DPF1: variants seen among roughly 807,000 people sequenced by gnomAD.
The protein encoded by DPF1 is double PHD fingers 1, also known as zinc finger protein neuro-d4.
In DPF1, 14 loss-of-function variants were observed where a neutral mutation model predicts 58.7. That is an observed-to-expected ratio of 0.24 (90% CI 0.16 to 0.37). The LOEUF (loss-of-function observed/expected upper bound fraction) is 0.37. DPF1 is among the 10% of genes least tolerant of loss of function. The pLI is 1.00. For missense variants in DPF1, 345 were observed against 529.9 expected (o/e 0.65, Z 3.43); for synonymous variants, 216 against 216.0 (o/e 1.00, Z 0.00).
upstream of DPF1, among the ~76,000 whole-genome samples, chr19:38,229,112 G>C (rs934810220): frequency 1.3e-5 from 2 of 152,066 alleles, no homozygotes; most frequent in African/African-American, 2.4e-5. This position sits in a 1 kb window ranked among gnomAD's most constrained non-coding sequence, Gnocchi z 5.3. Flanking sequence ...CTCAGAGAAA[G>C]AAGGGGAAAG....
chr19:38,216,838 C>T (rs1478461598), intron 7 of DPF1, among the ~76,000 whole-genome samples: 2 of 152,196 alleles, frequency 1.3e-5, no homozygotes, highest in Non-Finnish European at 2.9e-5. Context: ...ATACATGTCT[C>T]CCAGCCAGCC....
chr19:38,228,272 A>C (rs1229179626), upstream of DPF1, among the ~76,000 whole-genome samples: 13 of 120,854 alleles, frequency 1.1e-4, no homozygotes, highest in East Asian at 2.6e-4. Context: ...CCCAACTCCC[A>C]CCCTCCACCT....
At chr19:38,226,042 C>A (rs559351700), upstream of DPF1, among the ~76,000 whole-genome samples, 143 of 152,220 alleles carry the variant, frequency 9.4e-4, no homozygotes, top group African/African-American at 3.3e-3. Flanking sequence ...CTCACATGCC[C>A]GCATGCCCTG....
At chr19:38,214,362 T>G (rs757385547) in intron 9 of DPF1, among the ~76,000 whole-genome samples, 1 of 152,176 alleles carries the variant, frequency 6.6e-6, no homozygotes, top group Non-Finnish European at 1.5e-5. Context: ...CCACGACCCA[T>G]GGCGCCCGCC....
In DPF1 at chr19:38,229,676, G is replaced by T. The variant is rs1417881513; in HGVS notation, c.-249C>A. The stretch of plus-strand genomic sequence containing the variant: ...CCCGGCCTGCGCCGCCCGCTCTGCC[G>T]CCCAGCGCGCTACGATTTCATTCAT... On this transcript the variant is annotated 5_prime_UTR_variant, in exon 1 of 12. Transcript: ENST00000412732. The surrounding 1 kb of genome is among the most constrained non-coding windows in gnomAD (Gnocchi z 5.3). The T allele has an allele frequency of 7.1e-6, 4 of 565,098 alleles. No individual in the cohort carries two copies. The highest frequency in any genetic ancestry group is 9.0e-6 in the Non-Finnish European group (4 of 446,042). The allele number at this position is 565,098 out of a possible 1,614,324, so 35.0% of individuals were successfully genotyped here. A position where few individuals can be genotyped will look rare whatever the true frequency, so the allele number is the denominator to read the frequency against.
At chr19:38,227,274 C>A (rs1252591257), upstream of DPF1, among the ~76,000 whole-genome samples, 1 of 151,992 alleles carries the variant, frequency 6.6e-6, no homozygotes, top group East Asian at 1.9e-4. Flanking sequence ...AACAGGGTGT[C>A]CCTGTGTTGG....
upstream of DPF1, chr19:38,224,270 G>A (rs1381547046): frequency 2.4e-6 from 3 of 1,261,970 alleles, no homozygotes; most frequent in Non-Finnish European, 3.0e-6. This position sits in a 1 kb window ranked among gnomAD's most constrained non-coding sequence, Gnocchi z 4.5. Context: ...GGCCAATCGC[G>A]GCGACGGGGC....
chr19:38,217,847 G>A lies in DPF1; in HGVS notation c.546C>T (p.Arg182=). Residue 182 remains arginine (R), a synonymous_variant, in exon 6 of 12, where the codon CGC becomes CGT. Transcript: ENST00000355526. ...KAYGIGGLRK[R]QDTASLEDRD... ...GGTCCTCCAGGGAAGCGGTGTCCTGGCGTTTCCGGAGACCCCCGATGCCAT... is the reference window on the plus strand; with the variant it reads ...GGTCCTCCAGGGAAGCGGTGTCCTGACGTTTCCGGAGACCCCCGATGCCAT... The A allele has an allele frequency of 6.2e-7, 1 of 1,614,098 alleles. No homozygotes were observed.
Position 38,224,083 on chromosome 19 carries a change from T to C in DPF1, c.29+31A>G. 2 of 1,494,020 alleles carry C rather than the reference T, an allele frequency of 1.3e-6. No individual in the cohort carries two copies. The allele number at this position is 1,494,020 out of a possible 1,614,324, so 92.5% of individuals were successfully genotyped here. A position where few individuals can be genotyped will look rare whatever the true frequency, so the allele number is the denominator to read the frequency against. ...CAGGCCCGCGTAGACCCGCCCGCGC[T>C]TCCTCTCCGCCTCCCGCCGGCCCGC... On this transcript the variant is annotated intron_variant, in intron 1 of 11. Coordinates refer to ENST00000355526, the MANE Select transcript of DPF1 (RefSeq NM_001135155.3). The surrounding 1 kb of genome is among the most constrained non-coding windows in gnomAD (Gnocchi z 4.5).
intron 9 of DPF1, 75 bp downstream of exon 9, chr19:38,216,065 C>A (rs201625145): frequency 1.3e-4 from 203 of 1,530,876 alleles, no homozygotes; most frequent in Non-Finnish European, 1.7e-4. Flanking sequence ...ACCGCCTTGC[C>A]TCCCTCCCTC....
chr19:38,222,887 AG>A lies in DPF1; in HGVS notation c.30-180del. On this transcript the variant is annotated intron_variant, in intron 1 of 11. Transcript: ENST00000355526. The surrounding 1 kb of genome is among the most constrained non-coding windows in gnomAD (Gnocchi z 4.9). ...AGGCTGGGGGAAGGGGACAGGGCCC[AG>A]GGGCCCCCAAACTGGGACTCAAACA... 5 of 893,560 alleles carry A rather than the reference AG, an allele frequency of 5.6e-6. No homozygotes were observed. Among genetic ancestry groups the A allele is most frequent in the South Asian group, 2.0e-5 (1 of 49,184 alleles). The allele number at this position is 893,560 out of a possible 1,614,324, so 55.4% of individuals were successfully genotyped here. A position where few individuals can be genotyped will look rare whatever the true frequency, so the allele number is the denominator to read the frequency against.
chr19:38,223,840 TC>T, intron 1 of DPF1: 1 of 349,488 alleles, frequency 2.9e-6, no homozygotes, highest in Non-Finnish European at 5.1e-6. Context: ...TTTCAGTCTC[TC>T]CCAGACCCGA....
At chr19:38,225,408 A>G (rs1052049914), upstream of DPF1, among the ~76,000 whole-genome samples, 13 of 152,036 alleles carry the variant, frequency 8.6e-5, no homozygotes, top group African/African-American at 2.4e-5. Flanking sequence ...TGTCTACAAA[A>G]AAAAATTAAA....
At chr19:38,228,128 G>A (rs540965946), upstream of DPF1, 1 of 152,324 alleles carries the variant, frequency 6.6e-6, no homozygotes, top group East Asian at 1.9e-4. Context: ...TAGGGTGAGA[G>A]GGCAGCAGAG....
Position 38,222,537 on chromosome 19 carries a change from C to T in DPF1, c.190+11G>A. ...CCCCGCCCCGCCCTGCGCCAGCCCTCCCGGCGGTACCCGGCCCGCGGTGGG... is the reference window on the plus strand; with the variant it reads ...CCCCGCCCCGCCCTGCGCCAGCCCTTCCGGCGGTACCCGGCCCGCGGTGGG... On this transcript the variant is annotated intron_variant, in intron 2 of 11. Coordinates refer to ENST00000355526, the MANE Select transcript of DPF1 (RefSeq NM_001135155.3). This position sits in a 1 kb window ranked among gnomAD's most constrained non-coding sequence, Gnocchi z 4.9. 1.2e-6 allele frequency: 2 copies of T among 1,603,242 alleles called. No homozygotes were observed. Among genetic ancestry groups the T allele is most frequent in the Non-Finnish European group, 1.7e-6 (2 of 1,175,284 alleles).
At chr19:38,218,449 G>A (rs149830028) in intron 5 of DPF1, 124 bp downstream of exon 5, 40 of 992,474 alleles carry the variant, frequency 4.0e-5, no homozygotes, top group Admixed American at 1.8e-4. Context: ...CCTGCAGGCC[G>A]CTCTGGGGAT....
At chr19:38,224,290 CG>C (rs916039261), upstream of DPF1, 21 of 1,262,334 alleles carry the variant, frequency 1.7e-5, no homozygotes, top group Admixed American at 5.5e-4. The surrounding 1 kb of genome is among the most constrained non-coding windows in gnomAD (Gnocchi z 4.5). Flanking sequence ...CGGGCCCGCC[CG>C]GGCCATGCTG....
At chr19:38,213,177 G>A (rs1045781045) in intron 10 of DPF1, among the ~76,000 whole-genome samples, 2 of 151,712 alleles carry the variant, frequency 1.3e-5, no homozygotes, top group South Asian at 2.1e-4. Context: ...GTTTCACCAC[G>A]TTGGCCAGGC....
chr19:38,217,167 GGA>G (rs376619226), intron 7 of DPF1, among the ~76,000 whole-genome samples: 2 of 152,318 alleles, frequency 1.3e-5, no homozygotes, highest in East Asian at 3.9e-4. Context: ...AGCAGAGAAA[GGA>G]GAAAGGGAAG....
Sources: allele counts gnomAD v4.1 joint callset (sites outside exome capture counted in the v4.1 genomes callset), GRCh38; gene constraint gnomAD v4.1.1; non-coding constraint Gnocchi (gnomAD v3.1); transcripts MANE v1.5; gene names NCBI Gene and HGNC (gene_info 2026-07-23, HGNC 2026-07-21).